Variants in WDPCP observed in about 807,000 individuals in gnomAD.
The protein encoded by WDPCP is WD repeat containing planar cell polarity effector.
Under a neutral mutation model 93.1 loss-of-function variants are expected in WDPCP, and 71 were observed. The observed-to-expected ratio is 0.76, with a 90% confidence interval of 0.63 to 0.93. The LOEUF (loss-of-function observed/expected upper bound fraction) is 0.93. Among genes scored for constraint, WDPCP ranks in the 40% least tolerant of loss-of-function variants. The probability of loss-of-function intolerance (pLI) is 0.00; values close to 1 mark genes in which losing one functional copy is unlikely to be tolerated. For missense variants in WDPCP, 844 were observed against 887.4 expected, an observed-to-expected ratio of 0.95 and a Z score of 0.62; for synonymous variants, 315 against 315.0, an observed-to-expected ratio of 1.00 and a Z score of 0.00.
chr2:63,303,253 C>G (rs1181828420), intron 13 of WDPCP, among the ~76,000 whole-genome samples: 1 of 152,148 alleles, frequency 6.6e-6, no homozygotes. Context: ...AGTGGCCCTC[C>G]TTCTTGACTA....
At chr2:63,355,668 T>A (rs777018581) in intron 12 of WDPCP, among the ~76,000 whole-genome samples, 4 of 151,856 alleles carry the variant, frequency 2.6e-5, no homozygotes, top group Non-Finnish European at 5.9e-5. Flanking sequence ...TCACTTGAGG[T>A]CAGGAATTCA....
chr2:63,654,030 A>G (rs916171148), intron 2 of WDPCP, among the ~76,000 whole-genome samples: 16 of 152,194 alleles, frequency 1.1e-4, no homozygotes, highest in African/African-American at 3.9e-4. Flanking sequence ...TAGTTAGACA[A>G]GAACTTTAAA....
At chr2:63,738,646 G>A (rs1669671953) in intron 2 of WDPCP, among the ~76,000 whole-genome samples, 1 of 152,088 alleles carries the variant, frequency 6.6e-6, no homozygotes, top group Non-Finnish European at 1.5e-5. Flanking sequence ...ACCAAATACT[G>A]ATTATATTCA....
At chr2:63,672,770 G>A (rs1270910008) in intron 2 of WDPCP, among the ~76,000 whole-genome samples, 1 of 101,706 alleles carries the variant, frequency 9.8e-6, no homozygotes, top group Non-Finnish European at 1.9e-5. Flanking sequence ...TATTTTTTGA[G>A]ATAGGGTCTC....
chr2:63,786,082 T>C (rs1333782419), intron 2 of WDPCP, among the ~76,000 whole-genome samples: 2 of 152,320 alleles, frequency 1.3e-5, no homozygotes, highest in Admixed American at 6.5e-5. Context: ...CTCTGTTGCC[T>C]AGGCTGGAGT....
chr2:63,376,745 T>G (rs1236159541), intron 12 of WDPCP, among the ~76,000 whole-genome samples: 1 of 151,900 alleles, frequency 6.6e-6, no homozygotes, highest in Non-Finnish European at 1.5e-5. Flanking sequence ...ACAGCCTCAT[T>G]TATATGAAGA....
intron 2 of WDPCP, among the ~76,000 whole-genome samples, chr2:63,811,595 C>CT (rs34856738): frequency 0.049 from 6,707 of 135,800 alleles, 274 homozygotes; most frequent in African/African-American, 0.12. Flanking sequence ...CCTGTCCACA[C>CT]TTTTTTTTTT....
chr2:63,618,973 GC>G (rs1220818973), intron 3 of WDPCP, among the ~76,000 whole-genome samples: 2 of 152,210 alleles, frequency 1.3e-5, no homozygotes, highest in Admixed American at 6.5e-5. Flanking sequence ...ACAGGCATGA[GC>G]CACTGCGTCC....
rs1709748908 is a variant in WDPCP, at chr2:63,622,197, T to C, written n.488+28462A>G. ...TGGCTACACAAACTGTTGCTGCTGC[T>C]GCTGCTTCTTGGTGGCCGCCTTGCT... On this transcript the variant is annotated intron_variant and non_coding_transcript_variant, in intron 3 of 4. Transcript: ENST00000467687. 7 of 1,599,786 alleles carry C rather than the reference T, an allele frequency of 4.4e-6. No homozygotes were observed. In the South Asian group the frequency reaches 5.7e-5, roughly 13 times the overall value.
chr2:63,563,058 C>CACAT (rs371098027), intron 1 of WDPCP, among the ~76,000 whole-genome samples: 84 of 152,164 alleles, frequency 5.5e-4, no homozygotes, highest in South Asian at 2.3e-3. Flanking sequence ...AATACACACA[C>CACAT]ACATACATAC....
At chr2:63,787,368 A>G (rs1442867240) in intron 2 of WDPCP, among the ~76,000 whole-genome samples, 1 of 152,028 alleles carries the variant, frequency 6.6e-6, no homozygotes, top group Non-Finnish European at 1.5e-5. Flanking sequence ...AAGCAAGTAG[A>G]GTGGAAAAAT....
At chr2:63,127,049 G>A (rs1669957366) in intron 17 of WDPCP, among the ~76,000 whole-genome samples, 2 of 151,460 alleles carry the variant, frequency 1.3e-5, no homozygotes, top group South Asian at 4.2e-4. Context: ...AAATACTTTA[G>A]TGAAATGCCC....
At chr2:63,804,429 T>G (rs1670734882) in intron 2 of WDPCP, among the ~76,000 whole-genome samples, 1 of 151,672 alleles carries the variant, frequency 6.6e-6, no homozygotes, top group Admixed American at 6.6e-5. Context: ...TTTTTTTTTG[T>G]AGTTTTTAGT....
At chr2:63,313,602 T>C (rs1452724549) in intron 12 of WDPCP, among the ~76,000 whole-genome samples, 2 of 152,050 alleles carry the variant, frequency 1.3e-5, no homozygotes, top group Non-Finnish European at 2.9e-5. Flanking sequence ...TTGCCTCTTC[T>C]TGTTAGTACC....
intron 14 of WDPCP, among the ~76,000 whole-genome samples, chr2:63,217,818 T>C (rs187620356): frequency 1.3e-5 from 2 of 152,276 alleles, no homozygotes; most frequent in Admixed American, 1.3e-4. Flanking sequence ...CTTACAGGTG[T>C]TTATCTTTTC....
At chr2:63,339,196 T>C (rs1259620242) in intron 12 of WDPCP, among the ~76,000 whole-genome samples, 1 of 152,076 alleles carries the variant, frequency 6.6e-6, no homozygotes, top group African/African-American at 2.4e-5. Flanking sequence ...TTTTTTGAGA[T>C]GGAGTCTCAC....
At chr2:63,166,888 T>A (rs1673032832) in intron 15 of WDPCP, among the ~76,000 whole-genome samples, 1 of 152,192 alleles carries the variant, frequency 6.6e-6, no homozygotes, top group Admixed American at 6.5e-5. Context: ...AAATACTAGA[T>A]CTCACTCATT....
intron 15 of WDPCP, among the ~76,000 whole-genome samples, chr2:63,164,013 C>T (rs1248904621): frequency 1.3e-5 from 2 of 152,076 alleles, no homozygotes; most frequent in African/African-American, 4.8e-5. Context: ...TAGCAGGAAA[C>T]CAACCAGTAT....
intron 14 of WDPCP, among the ~76,000 whole-genome samples, chr2:63,201,218 C>T (rs973050488): frequency 1.3e-5 from 2 of 152,146 alleles, no homozygotes; most frequent in African/African-American, 4.8e-5. Flanking sequence ...TGCCTGCTTC[C>T]TCTTTGCCTT....
Sources: gnomAD v4.1 joint callset for allele counts (sites outside exome capture counted in the v4.1 genomes callset) on GRCh38, gnomAD v4.1.1 for gene constraint, MANE v1.5 for transcripts, NCBI Gene and HGNC (gene_info 2026-07-23, HGNC 2026-07-21) for gene names.